The following MYO5C variants were observed in gnomAD, a reference collection of about 807,000 sequenced individuals.
The protein encoded by MYO5C is unconventional myosin-Vc.
Under a neutral mutation model 235.7 loss-of-function variants are expected in MYO5C, and 194 were observed. The observed-to-expected ratio is 0.82, with a 90% confidence interval of 0.73 to 0.93. The LOEUF (loss-of-function observed/expected upper bound fraction) is 0.93, where lower values mean the gene tolerates loss of function less well. Ranked by LOEUF, MYO5C falls within the 40% of genes least tolerant of loss-of-function variation. The probability of loss-of-function intolerance (pLI) is 0.00; values close to 1 mark genes in which losing one functional copy is unlikely to be tolerated. For missense variants in MYO5C, 2,038 were observed against 2,127.2 expected (o/e 0.96, Z 0.82); for synonymous variants, 707 against 754.8 (o/e 0.94, Z 1.04).
intron 13 of MYO5C, among the ~76,000 whole-genome samples, chr15:52,249,190 G>GT (rs1433776824): frequency 4.6e-5 from 7 of 152,210 alleles, no homozygotes; most frequent in Admixed American, 3.3e-4. Context: ...CAACATTAAT[G>GT]TGGTAGAAAG....
At position 52,265,129 on chromosome 15, in the gene MYO5C, A is replaced by G. The variant is rs75934579; in HGVS notation, c.941-833T>C. 6 of 152,386 alleles carry G rather than the reference A, an allele frequency of 3.9e-5. No homozygotes were observed. The East Asian group carries it at 9.6e-4, about 24-fold the overall frequency. The allele number at this position is 152,386 out of a possible 1,614,324, so 9.4% of individuals were successfully genotyped here. On this transcript the variant is annotated intron_variant, in intron 8 of 40. Coordinates refer to ENST00000261839, the MANE Select transcript of MYO5C (RefSeq NM_018728.4). ...TTGTATTCTGTTGTGAGCCTGCCCC[A>G]TGTTCCCCATTGGGACTTTGATTGC...
At position 52,279,568 on chromosome 15, in the gene MYO5C, G is replaced by A. The variant is rs373997668; in HGVS notation, c.245C>T (p.Ala82Val). ...LTALSYLHEP[A>V]VLHNLRIRFA... ...GCGGATTCTGAGGTTGTGGAGCACC[G>A]CGGGCTCGTGAAGATAGCTGAGAGC... Residue 82 changes from alanine to valine, a missense_variant, in exon 3 of 41, where the codon GCG becomes GTG. Coordinates refer to ENST00000261839, the MANE Select transcript of MYO5C (RefSeq NM_018728.4). 15 of 1,613,946 alleles carry A rather than the reference G, an allele frequency of 9.3e-6. No individual in the cohort carries two copies. The highest frequency in any genetic ancestry group is 6.7e-5 in the African/African-American group (5 of 74,918).
intron 22 of MYO5C, among the ~76,000 whole-genome samples, chr15:52,236,549 G>A (rs1398519684): frequency 6.6e-6 from 1 of 152,214 alleles, no homozygotes; most frequent in African/African-American, 2.4e-5. Context: ...CATGGCGCAT[G>A]CCTGTAATCC....
Position 52,246,290 on chromosome 15 carries a change from G to A in MYO5C, c.1980-248C>T, listed in dbSNP as rs60129392. Among the ~76,000 whole-genome samples the A allele has an allele frequency of 1.6e-3, 242 of 152,320 alleles. 1 individual carries two copies. Among genetic ancestry groups the A allele is most frequent in the African/African-American group, 5.7e-3 (239 of 41,574 alleles). On this transcript the variant is annotated intron_variant, in intron 16 of 40. Coordinates refer to ENST00000261839, the MANE Select transcript of MYO5C (RefSeq NM_018728.4). ...CATTGAGAAGGCCATGGGGGAACTG[G>A]CCTTTGAGGTGAGCTTCAAACGACA...
In MYO5C at chr15:52,196,383, GCAA is replaced by G; in HGVS notation, c.4918_4920del (p.Leu1641del). ...CTGTCTGTGGTCTTCTTGACCTGAA[GCAA>G]CCAGGCTGCCTGAGAGAGGGGCTCC... On this transcript the variant is annotated inframe_deletion, in exon 39 of 41. Transcript: ENST00000261839. 1.2e-6 allele frequency: 2 copies of G among 1,614,212 alleles called. No homozygotes were observed. Among genetic ancestry groups the G allele is most frequent in the Non-Finnish European group, 1.7e-6 (2 of 1,180,034 alleles).
intron 10 of MYO5C, among the ~76,000 whole-genome samples, chr15:52,258,892 G>A (rs1372634934): frequency 6.6e-6 from 1 of 152,168 alleles, no homozygotes; most frequent in African/African-American, 2.4e-5. Flanking sequence ...TCTGGATCCT[G>A]CCTGGGGGCC....
rs117806253 is a variant in MYO5C, at chr15:52,221,110, C to T, written c.3721+52G>A. On this transcript the variant is annotated intron_variant, in intron 30 of 40. Transcript: ENST00000261839. ...TACAAGGACATTTCAATGTCATTTC[C>T]GGGGTACAGGAAACCGTTTTCTAAA... 4.0e-3 allele frequency: 5,611 copies of T among 1,388,686 alleles called. 113 individuals carry two copies. In the Admixed American group the frequency reaches 0.042, roughly 11 times the overall value. The allele number at this position is 1,388,686 out of a possible 1,614,324, so 86.0% of individuals were successfully genotyped here. A position where few individuals can be genotyped will look rare whatever the true frequency, so the allele number is the denominator to read the frequency against.
At chr15:52,228,901 T>C (rs568864774) in intron 25 of MYO5C, among the ~76,000 whole-genome samples, 13 of 152,262 alleles carry the variant, frequency 8.5e-5, no homozygotes, top group Non-Finnish European at 1.8e-4. Flanking sequence ...TAAATAACTT[T>C]ACATAAATGT....
At chr15:52,237,986 C>T (rs532652306) in intron 21 of MYO5C, among the ~76,000 whole-genome samples, 6 of 151,816 alleles carry the variant, frequency 4.0e-5, no homozygotes, top group Non-Finnish European at 8.8e-5. Context: ...GTTTTGAAGA[C>T]AGGGTCTTTA....
At chr15:52,229,037 T>C in intron 25 of MYO5C, 96 bp downstream of exon 25, 1 of 1,471,898 alleles carries the variant, frequency 6.8e-7, no homozygotes, top group Non-Finnish European at 9.3e-7. Context: ...CTGTGGCCTT[T>C]ACACAGATGC....
At chr15:52,238,878 T>C (rs535053456) in intron 21 of MYO5C, among the ~76,000 whole-genome samples, 90 of 151,988 alleles carry the variant, frequency 5.9e-4, no homozygotes, top group African/African-American at 2.1e-3. Flanking sequence ...CCTGACCTCG[T>C]GATCCACCCG....
chr15:52,257,078 C>T (rs1362693007), intron 10 of MYO5C, among the ~76,000 whole-genome samples: 2 of 152,230 alleles, frequency 1.3e-5, no homozygotes, highest in African/African-American at 4.8e-5. Flanking sequence ...TGCCAAAGGT[C>T]ACACAGCTTG....
At chr15:52,236,629 T>C (rs2036092592) in intron 22 of MYO5C, among the ~76,000 whole-genome samples, 1 of 152,100 alleles carries the variant, frequency 6.6e-6, no homozygotes, top group African/African-American at 2.4e-5. Context: ...TGAGCCGAGA[T>C]TGCGCCACCG....
intron 7 of MYO5C, among the ~76,000 whole-genome samples, chr15:52,270,678 G>GTATACACATGTATGTGTA: frequency 6.7e-6 from 1 of 149,826 alleles, no homozygotes; most frequent in Non-Finnish European, 1.5e-5. Context: ...ATATATGTAT[G>GTATACACATGTATGTGTA]TATGTATACA....
chr15:52,285,389 G>A (rs1387718537), intron 1 of MYO5C, among the ~76,000 whole-genome samples: 2 of 143,514 alleles, frequency 1.4e-5, no homozygotes, highest in Non-Finnish European at 3.0e-5. Context: ...AAAACAAACA[G>A]GCTCTCGCTC....
Position 52,229,308 on chromosome 15 carries a change from A to C in MYO5C, c.3032T>G (p.Leu1011Arg). Residue 1011 changes from leucine to arginine, a missense_variant, in exon 25 of 41, where the codon CTT becomes CGT. By Grantham distance (102) the Leu-to-Arg change is moderately radical. Transcript: ENST00000261839. Reference sequence around the variant, plus strand: ...TGTTTTCAGTTCAAAACTTTTTTCAAGAAGCCTACGCAGCAAAAGAAGAAA... The same window carrying C: ...TGTTTTCAGTTCAAAACTTTTTTCACGAAGCCTACGCAGCAAAAGAAGAAA... ...VQKEERQRML[L>R]EKSFELKTQD... 1.2e-6 allele frequency: 2 copies of C among 1,611,994 alleles called. No individual in the cohort carries two copies. The highest frequency in any genetic ancestry group is 1.7e-6 in the Non-Finnish European group (2 of 1,179,898).
At chr15:52,242,249 C>T (rs767328576) in intron 19 of MYO5C, 36 bp from the exon 20 acceptor site, 1 of 1,580,170 alleles carries the variant, frequency 6.3e-7, no homozygotes, top group Non-Finnish European at 8.6e-7. Flanking sequence ...GTCTGTTACC[C>T]ACAGAGCATC....
intron 31 of MYO5C, 78 bp from the exon 32 acceptor site, chr15:52,218,765 A>G: frequency 2.1e-6 from 3 of 1,461,556 alleles, no homozygotes; most frequent in Non-Finnish European, 2.8e-6. Flanking sequence ...GCAAGTGCTG[A>G]TATTTCCAAA....
intron 38 of MYO5C, among the ~76,000 whole-genome samples, chr15:52,202,925 T>G (rs1237630753): frequency 3.5e-5 from 3 of 86,530 alleles, no homozygotes; most frequent in Non-Finnish European, 1.0e-4. Context: ...GAAATTTTTT[T>G]TTGTTTTTTT....
Sources: gnomAD v4.1 joint callset for allele counts (sites outside exome capture counted in the v4.1 genomes callset) on GRCh38, gnomAD v4.1.1 for gene constraint, MANE v1.5 for transcripts, NCBI Gene and HGNC (gene_info 2026-07-23, HGNC 2026-07-21) for gene names.